The following SPTBN1 variants were observed in gnomAD, a reference collection of about 807,000 sequenced individuals.
SPTBN1 encodes spectrin beta, non-erythrocytic 1, also known as spectrin beta chain, non-erythrocytic 1.
Under a neutral mutation model 266.4 loss-of-function variants are expected in SPTBN1, and 32 were observed. That is an observed-to-expected ratio of 0.12 (90% CI 0.09 to 0.16). The LOEUF (loss-of-function observed/expected upper bound fraction) is 0.16, where lower values mean the gene tolerates loss of function less well. Ranked by LOEUF, SPTBN1 falls within the 10% of genes least tolerant of loss-of-function variation. The probability of loss-of-function intolerance (pLI) is 1.00; values close to 1 mark genes in which losing one functional copy is unlikely to be tolerated. For synonymous variants in SPTBN1, 1,336 were observed against 1,162.2 expected, an observed-to-expected ratio of 1.15 and a Z score of -3.04; for missense variants, 2,296 against 3,067.1, an observed-to-expected ratio of 0.75 and a Z score of 5.94.
intron 1 of SPTBN1, among the ~76,000 whole-genome samples, chr2:54,525,585 G>T (rs1329320251): frequency 6.6e-6 from 1 of 152,196 alleles, no homozygotes; most frequent in Non-Finnish European, 1.5e-5. Context: ...GAGATGTTTA[G>T]ATAAAATGAT....
intron 6 of SPTBN1, among the ~76,000 whole-genome samples, 163 bp from the exon 7 acceptor site, chr2:54,617,915 C>G (rs1677718884): frequency 6.6e-6 from 1 of 152,052 alleles, no homozygotes. Context: ...AGTGTTTATT[C>G]AAAAATCAGG....
chr2:54,491,753 G>A (rs1668695218), intron 1 of SPTBN1, among the ~76,000 whole-genome samples: 1 of 152,030 alleles, frequency 6.6e-6, no homozygotes, highest in Non-Finnish European at 1.5e-5. Context: ...GCCATACCTA[G>A]CTAACTTTTC....
intron 9 of SPTBN1, 75 bp from the exon 10 acceptor site, chr2:54,623,404 A>C: frequency 7.8e-7 from 1 of 1,288,582 alleles, no homozygotes; most frequent in Admixed American, 1.7e-5. Context: ...CCAGAGTTAA[A>C]TGGTTTTTAA....
At chr2:54,585,466 G>A (rs1675229951) in intron 2 of SPTBN1, among the ~76,000 whole-genome samples, 1 of 152,094 alleles carries the variant, frequency 6.6e-6, no homozygotes, top group South Asian at 2.1e-4. Context: ...GTACTTACAG[G>A]ATTTGTCCAC....
chr2:54,501,000 T>C (rs1010597246), intron 1 of SPTBN1, among the ~76,000 whole-genome samples: 13 of 152,202 alleles, frequency 8.5e-5, no homozygotes, highest in African/African-American at 3.1e-4. Context: ...CTAGATGACT[T>C]GTCCAAAGTC....
In SPTBN1 at chr2:54,558,784, A is replaced by T. The variant is rs770987751; in HGVS notation, c.148+32218A>T. The T allele has an allele frequency of 6.2e-7, 1 of 1,613,070 alleles. No homozygotes were observed. The highest frequency in any genetic ancestry group is 8.5e-7 in the Non-Finnish European group (1 of 1,179,408). On this transcript the variant is annotated intron_variant, in intron 2 of 35. Transcript: ENST00000356805. The surrounding 1 kb of genome is among the most constrained non-coding windows in gnomAD (Gnocchi z 4.6). The stretch of plus-strand genomic sequence containing the variant: ...GGGGCGTTACGCCGGGCATAATGGA[A>T]TTGCAGAGGACGTCTAGTATCTCCG...
chr2:54,536,224 G>A (rs980207226), intron 2 of SPTBN1, among the ~76,000 whole-genome samples: 1 of 152,060 alleles, frequency 6.6e-6, no homozygotes. Context: ...GATGATAAAA[G>A]GTATAAATTT....
At chr2:54,459,655 C>G (rs540120217) in intron 1 of SPTBN1, among the ~76,000 whole-genome samples, 2 of 152,158 alleles carry the variant, frequency 1.3e-5, no homozygotes, top group East Asian at 3.9e-4. Context: ...TGCATCGTAA[C>G]TAGTATCTTC....
At chr2:54,485,820 G>T (rs1349420842) in intron 1 of SPTBN1, among the ~76,000 whole-genome samples, 3 of 151,394 alleles carry the variant, frequency 2.0e-5, no homozygotes, top group African/African-American at 7.3e-5. Context: ...CGTCTGAGAT[G>T]TGGGGAGCGC....
chr2:54,611,856 G>A (rs570670004), intron 3 of SPTBN1, among the ~76,000 whole-genome samples: 4 of 152,186 alleles, frequency 2.6e-5, no homozygotes, highest in African/African-American at 7.2e-5. Flanking sequence ...CAGCAGTAGC[G>A]CTGAAATTCT....
chr2:54,492,341 G>GTTTTTTTTT (rs780631106), intron 1 of SPTBN1, among the ~76,000 whole-genome samples: 14 of 88,376 alleles, frequency 1.6e-4, no homozygotes, highest in East Asian at 4.3e-4. Flanking sequence ...GTCTGCAGTT[G>GTTTTTTTTT]TTTTTTTGTT....
At chr2:54,597,578 G>A (rs527581919) in intron 2 of SPTBN1, among the ~76,000 whole-genome samples, 31 of 152,350 alleles carry the variant, frequency 2.0e-4, no homozygotes, top group Admixed American at 3.9e-4. Context: ...GGTGGCCGGG[G>A]ATCTTGGCAG....
chr2:54,606,735 C>T (rs1042200645), intron 3 of SPTBN1, among the ~76,000 whole-genome samples: 3 of 152,150 alleles, frequency 2.0e-5, no homozygotes, highest in Non-Finnish European at 2.9e-5. Context: ...TGACTGCTGG[C>T]GGGGAGAGCT....
intron 1 of SPTBN1, among the ~76,000 whole-genome samples, chr2:54,462,391 A>T (rs916609129): frequency 6.6e-6 from 1 of 152,250 alleles, no homozygotes; most frequent in Non-Finnish European, 1.5e-5. Flanking sequence ...TGAAGAGACC[A>T]CTTACTAGAA....
chr2:54,516,078 C>T (rs1174300957), intron 1 of SPTBN1: 2 of 152,020 alleles, frequency 1.3e-5, no homozygotes, highest in Non-Finnish European at 2.9e-5. Context: ...AGCCTTGAGT[C>T]TTTTTGATAT....
intron 2 of SPTBN1, among the ~76,000 whole-genome samples, chr2:54,589,451 C>G (rs116049526): frequency 0.023 from 3,561 of 152,306 alleles, 63 homozygotes; most frequent in Non-Finnish European, 0.036. Context: ...GACTGCCCAG[C>G]AGATGCAACC....
chr2:54,604,669 AG>A (rs1246572066), intron 3 of SPTBN1, among the ~76,000 whole-genome samples: 2 of 152,138 alleles, frequency 1.3e-5, no homozygotes, highest in Non-Finnish European at 2.9e-5. Context: ...TAGCCCCTTA[AG>A]TTTCCTCTCC....
intron 18 of SPTBN1, among the ~76,000 whole-genome samples, chr2:54,639,657 T>A (rs1679394118): frequency 6.6e-6 from 1 of 152,244 alleles, no homozygotes; most frequent in South Asian, 2.1e-4. Flanking sequence ...TTACGGTTCT[T>A]CCCGATAGAA....
chr2:54,566,266 G>GA (rs1673653934), intron 2 of SPTBN1, among the ~76,000 whole-genome samples: 1 of 144,580 alleles, frequency 6.9e-6, no homozygotes. Flanking sequence ...TCAGCTCACC[G>GA]CAACGTCCGC....
Sources: gnomAD v4.1 joint callset for allele counts (sites outside exome capture counted in the v4.1 genomes callset) on GRCh38, gnomAD v4.1.1 for gene constraint, Gnocchi (gnomAD v3.1) non-coding constraint, MANE v1.5 for transcripts, NCBI Gene and HGNC (gene_info 2026-07-23, HGNC 2026-07-21) for gene names.